Variants in PHACTR1 observed in about 807,000 individuals in gnomAD.
PHACTR1 encodes phosphatase and actin regulator 1.
Under a neutral mutation model 69.2 loss-of-function variants are expected in PHACTR1, and 16 were observed. The observed-to-expected ratio is 0.23, with a 90% confidence interval of 0.16 to 0.35. The LOEUF (loss-of-function observed/expected upper bound fraction) is 0.35, where lower values mean the gene tolerates loss of function less well. Ranked by LOEUF, PHACTR1 falls within the 10% of genes least tolerant of loss-of-function variation. The pLI is 1.00. For missense variants in PHACTR1, 510 were observed against 734.7 expected, an observed-to-expected ratio of 0.69 and a Z score of 3.54; for synonymous variants, 312 against 284.5, an observed-to-expected ratio of 1.10 and a Z score of -0.97.
chr6:12,720,572 G>C (rs779673585), intron 3 of PHACTR1, among the ~76,000 whole-genome samples: 1 of 152,202 alleles, frequency 6.6e-6, no homozygotes, highest in Non-Finnish European at 1.5e-5. Flanking sequence ...GAAAATGCAT[G>C]GGAGGTGGCA....
intron 4 of PHACTR1, among the ~76,000 whole-genome samples, chr6:12,862,949 C>T (rs962869104): frequency 6.6e-6 from 1 of 152,204 alleles, no homozygotes; most frequent in Non-Finnish European, 1.5e-5. Flanking sequence ...ATGGGTTCCA[C>T]CCCAGAGCTA....
chr6:12,749,616 T>C, intron 3 of PHACTR1, 28 bp from the exon 4 acceptor site: 1 of 1,325,122 alleles, frequency 7.5e-7, no homozygotes. Flanking sequence ...CCTCTCTCCC[T>C]CTCCCTCCGT....
At chr6:13,232,472 C>CT (rs1450985436) in intron 10 of PHACTR1, among the ~76,000 whole-genome samples, 50 of 152,218 alleles carry the variant, frequency 3.3e-4, no homozygotes, top group Admixed American at 9.2e-4. Flanking sequence ...CACATACATA[C>CT]TTTCTGTCAT....
intron 4 of PHACTR1, among the ~76,000 whole-genome samples, chr6:12,969,525 C>A (rs1025229095): frequency 6.6e-6 from 1 of 152,120 alleles, no homozygotes; most frequent in Non-Finnish European, 1.5e-5. Context: ...GAGGATCACT[C>A]GAGTCCAGGA....
At chr6:13,207,135 G>A (rs1377952672) in intron 8 of PHACTR1, among the ~76,000 whole-genome samples, 1 of 152,224 alleles carries the variant, frequency 6.6e-6, no homozygotes, top group African/African-American at 2.4e-5. Flanking sequence ...GTGGAAAAAT[G>A]TATACGTAGT....
At chr6:12,845,451 G>A (rs1199506794) in intron 4 of PHACTR1, among the ~76,000 whole-genome samples, 4 of 38,940 alleles carry the variant, frequency 1.0e-4, no homozygotes, top group African/African-American at 1.9e-4. Context: ...CCCGCCCTCC[G>A]TGCTGGGCAG....
At chr6:13,230,264 A>G (rs2127327589) in intron 10 of PHACTR1, 71 bp downstream of exon 10, 1 of 1,555,440 alleles carries the variant, frequency 6.4e-7, no homozygotes, top group Non-Finnish European at 8.7e-7. Context: ...AAAAGAATTC[A>G]GTCTCGGCCG....
At chr6:12,934,944 C>T (rs1326002738) in intron 4 of PHACTR1, among the ~76,000 whole-genome samples, 2 of 152,196 alleles carry the variant, frequency 1.3e-5, no homozygotes, top group Non-Finnish European at 2.9e-5. Context: ...AAGACCCTGT[C>T]TCTATTTTCA....
intron 5 of PHACTR1, among the ~76,000 whole-genome samples, chr6:13,100,398 G>T (rs1814960632): frequency 6.6e-6 from 1 of 152,158 alleles, no homozygotes; most frequent in South Asian, 2.1e-4. Flanking sequence ...TTGTCTGCCT[G>T]TAGTAGGTAT....
rs774848232 is a variant in PHACTR1, at chr6:12,749,629, CCTT to C, written c.104-12_104-10del. 1.8e-5 allele frequency: 28 copies of C among 1,565,106 alleles called. No individual in the cohort carries two copies. In the Middle Eastern group the frequency reaches 6.8e-4, roughly 38 times the overall value. ...CGCCTCTCTCCCTCTCCCTCCGTCT[CCTT>C]CTCCCTCTCAGCTCGCCGGGCGACC... On this transcript the variant is annotated splice_polypyrimidine_tract_variant and intron_variant, in intron 3 of 14. Transcript: ENST00000332995.
chr6:13,184,526 G>C (rs141099495), intron 7 of PHACTR1, among the ~76,000 whole-genome samples: 1 of 152,332 alleles, frequency 6.6e-6, no homozygotes, highest in Non-Finnish European at 1.5e-5. Flanking sequence ...AAATGGTCAA[G>C]TGTTTGATGG....
intron 10 of PHACTR1, among the ~76,000 whole-genome samples, chr6:13,251,640 G>A (rs896446863): frequency 1.3e-5 from 2 of 152,166 alleles, no homozygotes; most frequent in Non-Finnish European, 2.9e-5. Flanking sequence ...TGTGTGCCAG[G>A]CTGAGCTCTG....
chr6:13,173,462 T>C (rs1284293007), intron 6 of PHACTR1, among the ~76,000 whole-genome samples: 1 of 152,198 alleles, frequency 6.6e-6, no homozygotes, highest in East Asian at 1.9e-4. Flanking sequence ...TCAGGCAAAC[T>C]GGAGAAAATA....
At chr6:13,156,968 C>T (rs1018508451) in intron 5 of PHACTR1, among the ~76,000 whole-genome samples, 2 of 152,172 alleles carry the variant, frequency 1.3e-5, no homozygotes, top group Non-Finnish European at 2.9e-5. Flanking sequence ...TAGTCATTGG[C>T]CTCTTTCCAA....
intron 8 of PHACTR1, among the ~76,000 whole-genome samples, chr6:13,225,726 G>T (rs1207335782): frequency 6.6e-6 from 1 of 152,114 alleles, no homozygotes; most frequent in Non-Finnish European, 1.5e-5. Context: ...TTCATCCCCA[G>T]CTCCCGGCTG....
chr6:13,144,223 A>G (rs1444392904), intron 5 of PHACTR1, among the ~76,000 whole-genome samples: 1 of 152,212 alleles, frequency 6.6e-6, no homozygotes, highest in East Asian at 1.9e-4. Flanking sequence ...GCAATAAAGG[A>G]CGAGAAGGTA....
intron 4 of PHACTR1, among the ~76,000 whole-genome samples, chr6:12,944,787 A>ATTTTTTTTTT (rs67157877): frequency 1.5e-4 from 18 of 116,388 alleles, no homozygotes; most frequent in East Asian, 6.3e-4. Context: ...ATTTTTATTT[A>ATTTTTTTTTT]TTTTTTTTTT....
At chr6:13,193,454 A>G (rs778917335) in intron 7 of PHACTR1, among the ~76,000 whole-genome samples, 19 of 147,760 alleles carry the variant, frequency 1.3e-4, no homozygotes, top group African/African-American at 3.9e-4. Flanking sequence ...TGGCATGATC[A>G]TAGCTCACTG....
At chr6:12,839,225 G>A (rs947352982) in intron 4 of PHACTR1, among the ~76,000 whole-genome samples, 3 of 152,170 alleles carry the variant, frequency 2.0e-5, no homozygotes, top group South Asian at 2.1e-4. Context: ...AAGGCTAACA[G>A]TGGGTCTAAA....
Sources: allele counts gnomAD v4.1 joint callset (sites outside exome capture counted in the v4.1 genomes callset), GRCh38; gene constraint gnomAD v4.1.1; transcripts MANE v1.5; gene names NCBI Gene and HGNC (gene_info 2026-07-23, HGNC 2026-07-21).